Variants in PCDH9 observed in about 807,000 individuals in gnomAD.
The protein encoded by PCDH9 is protocadherin-9.
In PCDH9, 24 loss-of-function variants were observed where a neutral mutation model predicts 70.6. The ratio of observed to expected loss-of-function variants is 0.34; its 90% CI spans 0.25 to 0.48. PCDH9 has a LOEUF of 0.48. PCDH9 is among the 20% of genes least tolerant of loss of function. PCDH9 has a pLI of 0.99. For synonymous variants in PCDH9, 562 were observed against 558.5 expected, an observed-to-expected ratio of 1.01 and a Z score of -0.09; for missense variants, 1,281 against 1,503.6, an observed-to-expected ratio of 0.85 and a Z score of 2.45.
At chr13:66,700,729 TCTGCTGCCCTACCCCAA>T (rs1333156816) in intron 3 of PCDH9, among the ~76,000 whole-genome samples, 1 of 151,864 alleles carries the variant, frequency 6.6e-6, no homozygotes, top group African/African-American at 2.4e-5. Flanking sequence ...ATTGGCAAAA[TCTGCTGCCCTACCCCAA>T]CAACGAAGAC....
intron 2 of PCDH9, among the ~76,000 whole-genome samples, chr13:66,997,157 A>T (rs954462289): frequency 1.3e-5 from 2 of 152,166 alleles, no homozygotes; most frequent in Non-Finnish European, 2.9e-5. Context: ...GTTCATTTGC[A>T]TTGCTATAAA....
chr13:66,459,640 T>C (rs936429688), intron 4 of PCDH9, among the ~76,000 whole-genome samples: 6 of 151,964 alleles, frequency 3.9e-5, no homozygotes, highest in African/African-American at 9.7e-5. Context: ...AAAGTCAGTT[T>C]GAAGATTGCC....
At chr13:66,840,763 T>C (rs2081103232) in intron 3 of PCDH9, among the ~76,000 whole-genome samples, 1 of 152,194 alleles carries the variant, frequency 6.6e-6, no homozygotes, top group South Asian at 2.1e-4. Context: ...AAACATAAAA[T>C]GGTTGGGTTC....
intron 3 of PCDH9, among the ~76,000 whole-genome samples, chr13:66,744,990 A>G (rs2079336483): frequency 6.6e-6 from 1 of 152,170 alleles, no homozygotes; most frequent in East Asian, 1.9e-4. Context: ...CACGTAATGC[A>G]GGATCATATT....
intron 4 of PCDH9, among the ~76,000 whole-genome samples, chr13:66,604,211 GTTC>G (rs941061479): frequency 1.3e-3 from 191 of 152,074 alleles, no homozygotes; most frequent in African/African-American, 4.4e-3. Context: ...GTAGCTCTGA[GTTC>G]TTCTTCTGCA....
At chr13:66,901,318 A>G (rs940366214) in intron 3 of PCDH9, among the ~76,000 whole-genome samples, 1 of 151,796 alleles carries the variant, frequency 6.6e-6, no homozygotes, top group Non-Finnish European at 1.5e-5. Context: ...AACAGTCCCT[A>G]GCACAGAGTA....
chr13:66,303,476 T>A lies in PCDH9; in HGVS notation c.*1179A>T, dbSNP rs1463323175. On this transcript the variant is annotated 3_prime_UTR_variant, in exon 5 of 5. Transcript: ENST00000377865. The stretch of plus-strand genomic sequence containing the variant: ...TGTTACATCATGAAGGCACAACACA[T>A]TAAATATTTTGTGGCTATGGTCTAA... 6.6e-6 allele frequency: 1 copy of A among 152,524 alleles called. No homozygotes were observed. The highest frequency in any genetic ancestry group is 1.5e-5 in the Non-Finnish European group (1 of 68,000). 9.4% of individuals were successfully genotyped at this position (152,524 alleles called of 1,614,324 possible). A position where few individuals can be genotyped will look rare whatever the true frequency, so the allele number is the denominator to read the frequency against.
At chr13:67,038,845 T>C (rs2085058082) in intron 2 of PCDH9, among the ~76,000 whole-genome samples, 1 of 152,110 alleles carries the variant, frequency 6.6e-6, no homozygotes, top group Non-Finnish European at 1.5e-5. Flanking sequence ...CTACATTTCT[T>C]GGAATTTTGT....
At chr13:66,701,179 T>C (rs1354244970) in intron 3 of PCDH9, among the ~76,000 whole-genome samples, 1 of 151,624 alleles carries the variant, frequency 6.6e-6, no homozygotes, top group Non-Finnish European at 1.5e-5. Context: ...GACTTTATAG[T>C]GAGCTCTTCT....
chr13:66,520,007 A>T (rs1472293606), intron 4 of PCDH9, among the ~76,000 whole-genome samples: 2 of 152,170 alleles, frequency 1.3e-5, no homozygotes, highest in African/African-American at 2.4e-5. Flanking sequence ...GCAGCAATCC[A>T]AATCGGTTCA....
intron 3 of PCDH9, among the ~76,000 whole-genome samples, chr13:66,659,862 A>G (rs948999239): frequency 6.6e-6 from 1 of 152,068 alleles, no homozygotes; most frequent in African/African-American, 2.4e-5. Context: ...CAAGTGGCCA[A>G]AACTAGTGAA....
chr13:67,087,018 A>T (rs2138199952), intron 2 of PCDH9, among the ~76,000 whole-genome samples: 1 of 151,452 alleles, frequency 6.6e-6, no homozygotes, highest in South Asian at 2.1e-4. Flanking sequence ...GCACTAAAAA[A>T]GTTAGTTTTA....
At chr13:66,873,888 T>G (rs1255169845) in intron 3 of PCDH9, among the ~76,000 whole-genome samples, 1 of 151,572 alleles carries the variant, frequency 6.6e-6, no homozygotes, top group Non-Finnish European at 1.5e-5. Context: ...GTCAATCACA[T>G]CATTACATTT....
At chr13:66,339,133 A>G (rs760075469) in intron 4 of PCDH9, among the ~76,000 whole-genome samples, 1 of 152,076 alleles carries the variant, frequency 6.6e-6, no homozygotes, top group Non-Finnish European at 1.5e-5. Context: ...CGTAACTTCA[A>G]CCCTCAGCGT....
At chr13:66,692,831 A>C (rs2078507476) in intron 3 of PCDH9, among the ~76,000 whole-genome samples, 1 of 152,102 alleles carries the variant, frequency 6.6e-6, no homozygotes, top group South Asian at 2.1e-4. Flanking sequence ...TTATATACGA[A>C]TCTATCACCA....
At chr13:67,176,964 T>A (rs2088478353) in intron 2 of PCDH9, among the ~76,000 whole-genome samples, 1 of 152,118 alleles carries the variant, frequency 6.6e-6, no homozygotes. Flanking sequence ...CGTTACTAAA[T>A]GTGTGATCTC....
chr13:66,773,423 T>G (rs2079840511), intron 3 of PCDH9, among the ~76,000 whole-genome samples: 1 of 151,604 alleles, frequency 6.6e-6, no homozygotes, highest in Non-Finnish European at 1.5e-5. Flanking sequence ...GGTCAGGAGA[T>G]AGAAACCATC....
intron 4 of PCDH9, among the ~76,000 whole-genome samples, chr13:66,360,073 G>A (rs1216828102): frequency 6.6e-6 from 1 of 152,044 alleles, no homozygotes; most frequent in Non-Finnish European, 1.5e-5. Flanking sequence ...GATGTTGGCA[G>A]TAGGTATGAA....
chr13:66,413,322 A>G (rs1957402955), intron 4 of PCDH9, among the ~76,000 whole-genome samples: 1 of 152,224 alleles, frequency 6.6e-6, no homozygotes, highest in Non-Finnish European at 1.5e-5. Context: ...CCCTATACCC[A>G]CATGGCACAA....
Sources: allele counts gnomAD v4.1 joint callset (sites outside exome capture counted in the v4.1 genomes callset), GRCh38; gene constraint gnomAD v4.1.1; transcripts MANE v1.5; gene names NCBI Gene and HGNC (gene_info 2026-07-23, HGNC 2026-07-21).